The following RNF216 variants were observed in gnomAD, a reference collection of about 807,000 sequenced individuals.
RNF216 encodes ring finger protein 216.
In RNF216, 72 loss-of-function variants were observed where a neutral mutation model predicts 110.8. The observed-to-expected ratio is 0.65, with a 90% CI of 0.54 to 0.79. RNF216 has a LOEUF of 0.79. Among genes scored for constraint, RNF216 ranks in the 30% least tolerant of loss-of-function variants. The pLI is 0.00. For missense variants in RNF216, 1,342 were observed against 1,141.2 expected, an observed-to-expected ratio of 1.18 and a Z score of -2.54; for synonymous variants, 495 against 407.5, an observed-to-expected ratio of 1.21 and a Z score of -2.59.
intron 14 of RNF216, among the ~76,000 whole-genome samples, chr7:5,644,827 CT>C (rs59440013): frequency 3.5e-3 from 469 of 135,800 alleles, no homozygotes; most frequent in African/African-American, 4.5e-3. Flanking sequence ...TTCTTTTTTT[CT>C]TTTTTTTTTT....
intron 7 of RNF216, among the ~76,000 whole-genome samples, chr7:5,727,462 G>A (rs931647017): frequency 6.6e-6 from 1 of 152,156 alleles, no homozygotes; most frequent in African/African-American, 2.4e-5. Flanking sequence ...CATAGGCTGG[G>A]CATGGTGGCA....
intron 13 of RNF216, among the ~76,000 whole-genome samples, chr7:5,687,272 T>C (rs938955869): frequency 4.0e-5 from 6 of 150,894 alleles, no homozygotes; most frequent in African/African-American, 1.2e-4. Context: ...GGCGGGCGCC[T>C]GTAATCTCAG....
At chr7:5,652,782 C>T (rs539803433) in intron 13 of RNF216, among the ~76,000 whole-genome samples, 14 of 151,760 alleles carry the variant, frequency 9.2e-5, no homozygotes, top group African/African-American at 3.4e-4. Context: ...AGAGTGAGAC[C>T]CTGTCCCTTA....
In RNF216 at chr7:5,741,470, C is replaced by T; in HGVS notation, c.547G>A (p.Glu183Lys). The T allele has an allele frequency of 3.1e-6, 5 of 1,614,204 alleles. No homozygotes were observed. Among genetic ancestry groups the T allele is most frequent in the East Asian group, 2.2e-5 (1 of 44,878 alleles). ...CTTTCTGTGTAAAGAAGGCTACCTT[C>T]TTCCAAGATGATGACTTTCTGCTCT... ...RSEQKVIILE[E>K]GSLLYTESDP... Residue 183 changes from glutamate to lysine, a missense_variant, in exon 4 of 17, where the codon GAA (glutamate) becomes AAA (lysine). Transcript: ENST00000389902.
At chr7:5,659,013 G>A (rs1788927317) in intron 13 of RNF216, among the ~76,000 whole-genome samples, 1 of 152,156 alleles carries the variant, frequency 6.6e-6, no homozygotes, top group African/African-American at 2.4e-5. Context: ...GCAACTGGAA[G>A]AGTCTATGAA....
At chr7:5,745,563 T>C (rs1335827016) in intron 3 of RNF216, among the ~76,000 whole-genome samples, 1 of 152,108 alleles carries the variant, frequency 6.6e-6, no homozygotes. Flanking sequence ...GAAAAATCAC[T>C]ACAGATAATA....
chr7:5,738,216 A>G (rs1794545927), intron 5 of RNF216, among the ~76,000 whole-genome samples: 1 of 151,850 alleles, frequency 6.6e-6, no homozygotes, highest in South Asian at 2.1e-4. Context: ...AAGCATATTT[A>G]CCACTTATAA....
chr7:5,760,620 A>C (rs990708461), intron 2 of RNF216: 4 of 300,680 alleles, frequency 1.3e-5, no homozygotes, highest in Admixed American at 4.5e-5. Context: ...AAAGAAATTA[A>C]GCATCATGGG....
At position 5,620,899 on chromosome 7, in the gene RNF216, C is replaced by T. The variant is rs1159451313; in HGVS notation, c.*1961G>A. 6.6e-6 allele frequency: 1 copy of T among 152,298 alleles called. No homozygotes were observed. The highest frequency in any genetic ancestry group is 1.5e-5 in the Non-Finnish European group (1 of 68,080). 9.4% of individuals were successfully genotyped at this position (152,298 alleles called of 1,614,324 possible). A position where few individuals can be genotyped will look rare whatever the true frequency, so the allele number is the denominator to read the frequency against. The stretch of plus-strand genomic sequence containing the variant: ...CTGTGATGTCTACAGCCGCCCTCTG[C>T]TCCCAGAGATCCTCCCTGGGGAAGC... On this transcript the variant is annotated 3_prime_UTR_variant, in exon 17 of 17. Transcript: ENST00000389902.
chr7:5,695,009 C>G (rs1791540494), intron 13 of RNF216, among the ~76,000 whole-genome samples: 1 of 152,176 alleles, frequency 6.6e-6, no homozygotes. Flanking sequence ...TTCTGTGGCT[C>G]AACTTTAACT....
intron 13 of RNF216, among the ~76,000 whole-genome samples, chr7:5,661,866 C>G (rs566289476): frequency 6.6e-6 from 1 of 152,152 alleles, no homozygotes; most frequent in African/African-American, 2.4e-5. Context: ...TTAATTTGGT[C>G]GAGGTCACAG....
chr7:5,721,547 C>G (rs1365361426), intron 8 of RNF216, among the ~76,000 whole-genome samples: 1 of 152,120 alleles, frequency 6.6e-6, no homozygotes, highest in African/African-American at 2.4e-5. Flanking sequence ...AATGTATGTC[C>G]GCAATTTACC....
At chr7:5,679,911 A>G (rs931377381) in intron 13 of RNF216, among the ~76,000 whole-genome samples, 1 of 152,186 alleles carries the variant, frequency 6.6e-6, no homozygotes, top group Non-Finnish European at 1.5e-5. Context: ...GCGGCTCCAC[A>G]GTCGGCTTTA....
chr7:5,774,247 C>T (rs1009119395), intron 1 of RNF216, among the ~76,000 whole-genome samples: 2 of 152,176 alleles, frequency 1.3e-5, no homozygotes, highest in African/African-American at 4.8e-5. Context: ...GGCCAATTTC[C>T]TCATTTGTAA....
chr7:5,677,072 C>T (rs979473159), intron 13 of RNF216, among the ~76,000 whole-genome samples: 3 of 152,226 alleles, frequency 2.0e-5, no homozygotes, highest in Admixed American at 6.5e-5. Context: ...CCACTACAGA[C>T]CACATACATC....
intron 3 of RNF216, among the ~76,000 whole-genome samples, chr7:5,746,607 T>C (rs547206589): frequency 6.6e-6 from 1 of 152,296 alleles, no homozygotes; most frequent in South Asian, 2.1e-4. Context: ...AGTGATTGGC[T>C]AGGTAGGACA....
At chr7:5,701,156 T>C (rs975685933) in intron 13 of RNF216, among the ~76,000 whole-genome samples, 4 of 152,172 alleles carry the variant, frequency 2.6e-5, no homozygotes, top group Admixed American at 2.0e-4. Context: ...CACAGGGCCC[T>C]TCTCTGAACT....
chr7:5,736,498 G>A (rs1794408317), intron 5 of RNF216, among the ~76,000 whole-genome samples: 1 of 152,158 alleles, frequency 6.6e-6, no homozygotes, highest in African/African-American at 2.4e-5. Context: ...CGCCTGCCTT[G>A]GCCTCCCAAA....
chr7:5,662,207 T>C (rs1472844485), intron 13 of RNF216, among the ~76,000 whole-genome samples: 1 of 152,200 alleles, frequency 6.6e-6, no homozygotes, highest in Non-Finnish European at 1.5e-5. Flanking sequence ...CCTTTCTTAC[T>C]GGTAACGATA....
Sources: gnomAD v4.1 joint callset for allele counts (sites outside exome capture counted in the v4.1 genomes callset) on GRCh38, gnomAD v4.1.1 for gene constraint, MANE v1.5 for transcripts, NCBI Gene and HGNC (gene_info 2026-07-23, HGNC 2026-07-21) for gene names.